The following AGMO variants were observed in gnomAD, a reference collection of about 807,000 sequenced individuals.
The protein encoded by AGMO is glyceryl-ether monooxygenase.
A neutral mutation model predicts 60.2 loss-of-function variants in AGMO; 75 were observed. The observed-to-expected ratio is 1.25, with a 90% CI of 1.03 to 1.51. The LOEUF is 1.51. Ranked by LOEUF, AGMO falls within the 40% of genes most tolerant of loss-of-function variation. AGMO has a pLI of 0.00. For missense variants in AGMO, 763 were observed against 525.5 expected (o/e 1.45, Z -4.42); for synonymous variants, 261 against 177.1 (o/e 1.47, Z -3.76).
At chr7:15,197,044 T>C (rs1341662959), downstream of AGMO, among the ~76,000 whole-genome samples, 2 of 123,486 alleles carry the variant, frequency 1.6e-5, no homozygotes, top group Non-Finnish European at 3.7e-5. Flanking sequence ...GAATAGAACG[T>C]TTTTTGTTGT....
intron 12 of AGMO, among the ~76,000 whole-genome samples, chr7:15,327,693 G>A (rs932541577): frequency 1.3e-5 from 2 of 151,622 alleles, no homozygotes; most frequent in East Asian, 1.9e-4. Context: ...GCCCTGAGGG[G>A]GAGAGAAAGA....
In AGMO at chr7:15,561,878, A is replaced by G. The variant is rs1355067660; in HGVS notation, c.-33T>C. 6.4e-7 allele frequency: 1 copy of G among 1,574,354 alleles called. No homozygotes were observed. Among genetic ancestry groups the G allele is most frequent in the African/African-American group, 1.4e-5 (1 of 73,278 alleles). On this transcript the variant is annotated 5_prime_UTR_variant, in exon 1 of 13. Coordinates refer to ENST00000342526, the MANE Select transcript of AGMO (RefSeq NM_001004320.2). Reference sequence around the variant, plus strand: ...CTTGTCTGATTCCCAGCTGGAGAATATTTAGGATTCAATGCTTGAAGCCTG... The same window carrying G: ...CTTGTCTGATTCCCAGCTGGAGAATGTTTAGGATTCAATGCTTGAAGCCTG...
At chr7:15,352,409 C>A (rs1367283807) in intron 12 of AGMO, among the ~76,000 whole-genome samples, 2 of 151,756 alleles carry the variant, frequency 1.3e-5, no homozygotes, top group Non-Finnish European at 2.9e-5. Context: ...GTGCAAACCT[C>A]ATCAAGGGCA....
At chr7:15,403,307 A>G (rs532138365) in intron 5 of AGMO, among the ~76,000 whole-genome samples, 1 of 152,018 alleles carries the variant, frequency 6.6e-6, no homozygotes, top group Admixed American at 6.6e-5. Flanking sequence ...ACTGAAGAGA[A>G]TTTAGATTAT....
intron 12 of AGMO, among the ~76,000 whole-genome samples, chr7:15,277,035 T>C (rs916556098): frequency 6.6e-6 from 1 of 151,934 alleles, no homozygotes; most frequent in Non-Finnish European, 1.5e-5. Context: ...TTGCTGGGTG[T>C]GGTGGCGCAC....
At position 15,385,539 on chromosome 7, in the gene AGMO, G is replaced by C; in HGVS notation, c.981C>G (p.Phe327Leu). 1.2e-6 allele frequency: 2 copies of C among 1,612,182 alleles called. No homozygotes were observed. The highest frequency in any genetic ancestry group is 1.7e-6 in the Non-Finnish European group (2 of 1,178,560). Residue 327 changes from phenylalanine to leucine, a missense_variant, in exon 10 of 13, where the codon TTC (phenylalanine) becomes TTG (leucine). Physicochemically the swap from Phe to Leu is conservative, Grantham distance 22. Transcript: ENST00000342526. Reference protein sequence around the residue: ...IPEVTGKEVPFSSSSSQLLKI... With the variant: ...IPEVTGKEVPLSSSSSQLLKI... ...TTAATAGCTGAGATGAAGATGATGAGAAGGGAACTTCTTTGCCGGTGACCT... is the reference window on the plus strand; with the variant it reads ...TTAATAGCTGAGATGAAGATGATGACAAGGGAACTTCTTTGCCGGTGACCT...
chr7:15,439,865 G>A (rs1781501773), intron 3 of AGMO, among the ~76,000 whole-genome samples: 1 of 152,114 alleles, frequency 6.6e-6, no homozygotes, highest in East Asian at 1.9e-4. Context: ...AACTTTACCA[G>A]GAGCTCATGT....
At chr7:15,194,839 A>G in the AGMO span, among the ~76,000 whole-genome samples, 1 of 152,052 alleles carries the variant, frequency 6.6e-6, no homozygotes, top group Admixed American at 6.6e-5. Flanking sequence ...ATGATCTCCA[A>G]TACCCCCTGT....
intron 10 of AGMO, among the ~76,000 whole-genome samples, chr7:15,369,600 T>C (rs780862218): frequency 5.9e-5 from 9 of 152,228 alleles, no homozygotes; most frequent in African/African-American, 1.2e-4. Flanking sequence ...CGACACAAAA[T>C]AGTACTTCTC....
chr7:15,246,279 CAA>C (rs1410957055), intron 12 of AGMO, among the ~76,000 whole-genome samples: 1 of 151,920 alleles, frequency 6.6e-6, no homozygotes, highest in African/African-American at 2.4e-5. Flanking sequence ...ATTTGGTACT[CAA>C]AAGACATTTG....
rs77910521 is a variant in AGMO, at chr7:15,509,080, G to T, written c.409+35692C>A. On this transcript the variant is annotated intron_variant, in intron 3 of 12. Transcript: ENST00000342526. ...TTCAGGCTCACAGCTATGCAATCAGGTAAAAGGAACCAGTAGTGTTGTTTC... is the reference window on the plus strand; with the variant it reads ...TTCAGGCTCACAGCTATGCAATCAGTTAAAAGGAACCAGTAGTGTTGTTTC... Among the ~76,000 whole-genome samples, 594 of 152,250 alleles carry T rather than the reference G, an allele frequency of 3.9e-3. 4 individuals are homozygous for T. Among genetic ancestry groups the T allele is most frequent in the African/African-American group, 0.013 (560 of 41,554 alleles).
chr7:15,223,201 C>G (rs1468925561), intron 12 of AGMO, among the ~76,000 whole-genome samples: 1 of 151,834 alleles, frequency 6.6e-6, no homozygotes, highest in Non-Finnish European at 1.5e-5. Context: ...TCTTCAAGAC[C>G]TACAGTAAGA....
At chr7:15,141,825 T>C in the AGMO span, among the ~76,000 whole-genome samples, 3 of 152,190 alleles carry the variant, frequency 2.0e-5, no homozygotes, top group African/African-American at 7.2e-5. Context: ...ACTTATGTTT[T>C]TGTCAAATAT....
chr7:15,186,069 A>C, the AGMO span, among the ~76,000 whole-genome samples: 1 of 152,180 alleles, frequency 6.6e-6, no homozygotes, highest in African/African-American at 2.4e-5. Context: ...TAGGTACATA[A>C]ATATTCTTGT....
chr7:15,214,407 TGCA>T (rs1292307170), intron 12 of AGMO, among the ~76,000 whole-genome samples: 4 of 152,048 alleles, frequency 2.6e-5, no homozygotes, highest in Admixed American at 6.6e-5. Flanking sequence ...GCAAAAGTTA[TGCA>T]GAGTTAAAAT....
At chr7:15,342,364 A>C (rs529503861) in intron 12 of AGMO, among the ~76,000 whole-genome samples, 3 of 151,982 alleles carry the variant, frequency 2.0e-5, no homozygotes, top group African/African-American at 7.2e-5. Flanking sequence ...TCCAAAATTA[A>C]ATTGAAATGA....
chr7:15,420,472 A>T (rs1177689142), intron 4 of AGMO, among the ~76,000 whole-genome samples: 1 of 152,140 alleles, frequency 6.6e-6, no homozygotes, highest in Non-Finnish European at 1.5e-5. Context: ...TTCTAACAAA[A>T]AATATAGGTG....
chr7:15,358,712 G>T (rs1196979057), intron 12 of AGMO, among the ~76,000 whole-genome samples: 3 of 152,134 alleles, frequency 2.0e-5, no homozygotes, highest in Non-Finnish European at 4.4e-5. Flanking sequence ...GACATTAACA[G>T]CAACTCCCAG....
intron 12 of AGMO, among the ~76,000 whole-genome samples, chr7:15,287,193 C>G (rs1784122046): frequency 6.6e-6 from 1 of 151,980 alleles, no homozygotes; most frequent in Non-Finnish European, 1.5e-5. Flanking sequence ...TCCATGTAAT[C>G]AAAAACCATG....
Sources: gnomAD v4.1 joint callset for allele counts (sites outside exome capture counted in the v4.1 genomes callset) on GRCh38, gnomAD v4.1.1 for gene constraint, MANE v1.5 for transcripts, NCBI Gene and HGNC (gene_info 2026-07-23, HGNC 2026-07-21) for gene names.